TSHZ2: variants seen among roughly 807,000 people sequenced by gnomAD.
The protein encoded by TSHZ2 is teashirt homolog 2.
Under a neutral mutation model 74.4 loss-of-function variants are expected in TSHZ2, and 21 were observed. The observed-to-expected ratio is 0.28, with a 90% CI of 0.20 to 0.41. The LOEUF is 0.41. TSHZ2 is among the 10% of genes least tolerant of loss of function. TSHZ2 has a pLI of 1.00. For missense variants in TSHZ2, 1,244 were observed against 1,293.5 expected (o/e 0.96, Z 0.59); for synonymous variants, 540 against 515.3 (o/e 1.05, Z -0.65).
chr20:53,390,331 A>G (rs1038684819), intron 2 of TSHZ2, among the ~76,000 whole-genome samples: 1 of 152,168 alleles, frequency 6.6e-6, no homozygotes, highest in Non-Finnish European at 1.5e-5. Context: ...TTGATCTTGG[A>G]TAATTTAAAT....
At chr20:53,190,238 G>T (rs576696705) in intron 1 of TSHZ2, among the ~76,000 whole-genome samples, 47 of 149,246 alleles carry the variant, frequency 3.1e-4, no homozygotes, top group Middle Eastern at 3.5e-3. Context: ...TTAAAATAAG[G>T]ATGAGAATAG....
rs557795438 is a variant in TSHZ2, at chr20:53,280,471, T to C, written c.*8+23900T>C. ...ACTAATGTGACTTGAGTATGAAATA[T>C]GTTTCCATCGCATTAGGAGTAAGGA... On this transcript the variant is annotated intron_variant, in intron 2 of 2. Coordinates refer to ENST00000371497, the MANE Select transcript of TSHZ2 (RefSeq NM_173485.6). 3.6e-3 allele frequency among the ~76,000 whole-genome samples: 548 copies of C among 152,304 alleles called. 2 individuals carry two copies. Among genetic ancestry groups the C allele is most frequent in the African/African-American group, 0.013 (523 of 41,556 alleles).
intron 2 of TSHZ2, among the ~76,000 whole-genome samples, chr20:53,280,101 T>C (rs1284775003): frequency 1.3e-5 from 2 of 152,182 alleles, no homozygotes; most frequent in Non-Finnish European, 2.9e-5. Context: ...TGGGCATTTT[T>C]GAAGATGACT....
At chr20:53,344,208 CTCCTCA>C (rs56303933) in intron 2 of TSHZ2, among the ~76,000 whole-genome samples, 124,496 of 150,160 alleles carry the variant, frequency 0.83, 51,645 homozygotes, top group South Asian at 0.88. Flanking sequence ...CACCCTCCTC[CTCCTCA>C]TCATCATCAT....
chr20:53,249,107 C>T (rs1990268120), intron 1 of TSHZ2, among the ~76,000 whole-genome samples: 1 of 152,082 alleles, frequency 6.6e-6, no homozygotes, highest in Non-Finnish European at 1.5e-5. Flanking sequence ...TCCCAAAATG[C>T]TGGAATTACA....
chr20:52,994,416 A>G (rs191970760), intron 1 of TSHZ2, among the ~76,000 whole-genome samples: 3 of 149,990 alleles, frequency 2.0e-5, no homozygotes, highest in South Asian at 2.1e-4. Flanking sequence ...ATGGATGAGT[A>G]GATGGATGGA....
intron 2 of TSHZ2, among the ~76,000 whole-genome samples, chr20:53,260,400 A>G (rs565829511): frequency 6.6e-6 from 1 of 152,322 alleles, no homozygotes; most frequent in African/African-American, 2.4e-5. Flanking sequence ...ACATATCTAG[A>G]AAGCCATCGT....
chr20:52,973,581 C>G (rs542008380), intron 1 of TSHZ2, among the ~76,000 whole-genome samples: 38 of 152,316 alleles, frequency 2.5e-4, no homozygotes, highest in Non-Finnish European at 4.3e-4. Flanking sequence ...TTCCTCCACC[C>G]TCTACCCCAC....
At chr20:53,299,727 C>G (rs1168778615) in intron 2 of TSHZ2, among the ~76,000 whole-genome samples, 1 of 152,158 alleles carries the variant, frequency 6.6e-6, no homozygotes, top group Non-Finnish European at 1.5e-5. Context: ...ACCACATGTC[C>G]CTACTTGCTG....
intron 2 of TSHZ2, among the ~76,000 whole-genome samples, chr20:53,457,383 G>A (rs1985141511): frequency 9.4e-6 from 1 of 106,258 alleles, no homozygotes; most frequent in Non-Finnish European, 1.8e-5. Context: ...GTATAGGAAT[G>A]CTTGTGATTT....
chr20:53,218,065 C>T (rs1989475814), intron 1 of TSHZ2, among the ~76,000 whole-genome samples: 1 of 152,194 alleles, frequency 6.6e-6, no homozygotes, highest in Non-Finnish European at 1.5e-5. Context: ...AGCCGAGGCT[C>T]CTTTGAAGGA....
intron 2 of TSHZ2, among the ~76,000 whole-genome samples, chr20:53,300,237 A>G (rs770392554): frequency 1.3e-5 from 2 of 152,214 alleles, no homozygotes; most frequent in East Asian, 1.9e-4. Context: ...GGGAAAAAAA[A>G]CTGCAGCAAA....
intron 2 of TSHZ2, among the ~76,000 whole-genome samples, chr20:53,471,446 A>G (rs189006756): frequency 1.3e-5 from 2 of 152,328 alleles, no homozygotes; most frequent in East Asian, 3.9e-4. Context: ...TCAAAATTAT[A>G]TATGCGATGA....
intron 2 of TSHZ2, among the ~76,000 whole-genome samples, chr20:53,408,834 T>A (rs963149151): frequency 6.6e-6 from 1 of 152,226 alleles, no homozygotes; most frequent in African/African-American, 2.4e-5. Context: ...TGATGTCTGT[T>A]TCAACTGAGC....
chr20:53,310,145 C>T (rs557101494), intron 2 of TSHZ2, among the ~76,000 whole-genome samples: 16 of 152,302 alleles, frequency 1.1e-4, no homozygotes, highest in Admixed American at 3.3e-4. Context: ...TGACTAAAGA[C>T]TAAATTGCCT....
intron 2 of TSHZ2, among the ~76,000 whole-genome samples, chr20:53,479,338 T>C (rs1986084241): frequency 6.6e-6 from 1 of 152,142 alleles, no homozygotes; most frequent in East Asian, 1.9e-4. Context: ...AAGCTCTAGG[T>C]GATCCCAGTA....
intron 1 of TSHZ2, among the ~76,000 whole-genome samples, chr20:52,986,988 A>G (rs922911013): frequency 6.6e-6 from 1 of 152,092 alleles, no homozygotes; most frequent in African/African-American, 2.4e-5. Context: ...GAATGATGTG[A>G]GGACACTGCA....
At chr20:53,330,460 A>C (rs1979680435) in intron 2 of TSHZ2, among the ~76,000 whole-genome samples, 1 of 152,232 alleles carries the variant, frequency 6.6e-6, no homozygotes, top group Admixed American at 6.5e-5. Context: ...CAGACTGAAG[A>C]GAAAGAAACG....
At chr20:53,307,605 C>G (rs947335402) in intron 2 of TSHZ2, among the ~76,000 whole-genome samples, 1 of 152,162 alleles carries the variant, frequency 6.6e-6, no homozygotes, top group African/African-American at 2.4e-5. Flanking sequence ...AAGAGTGGGC[C>G]TGGATGTAGG....
Sources: allele counts gnomAD v4.1 joint callset (sites outside exome capture counted in the v4.1 genomes callset), GRCh38; gene constraint gnomAD v4.1.1; transcripts MANE v1.5; gene names NCBI Gene and HGNC (gene_info 2026-07-23, HGNC 2026-07-21).